PIWIL4: variants seen among roughly 807,000 people sequenced by gnomAD.
PIWIL4 encodes piwi like RNA-mediated gene silencing 4, also known as piwi-like protein 4.
In PIWIL4, 50 loss-of-function variants were observed where a neutral mutation model predicts 100.9. That is an observed-to-expected ratio of 0.50 (90% confidence interval 0.39 to 0.63). The LOEUF is 0.63. PIWIL4 is among the 20% of genes least tolerant of loss of function. The pLI is 0.00. For missense variants in PIWIL4, 887 were observed against 1,043.3 expected, an observed-to-expected ratio of 0.85 and a Z score of 2.06; for synonymous variants, 342 against 367.5, an observed-to-expected ratio of 0.93 and a Z score of 0.79.
At chr11:94,577,683 A>G (rs1450825707) in intron 4 of PIWIL4, among the ~76,000 whole-genome samples, 191 bp downstream of exon 4, 1 of 152,202 alleles carries the variant, frequency 6.6e-6, no homozygotes, top group Non-Finnish European at 1.5e-5. Context: ...ACACTTTTAT[A>G]AGCAATTATA....
At chr11:94,569,656 G>A (rs546774348) in intron 2 of PIWIL4, among the ~76,000 whole-genome samples, 96 of 152,322 alleles carry the variant, frequency 6.3e-4, no homozygotes, top group African/African-American at 2.2e-3. Context: ...GGGATTACAG[G>A]TATGAGCCAC....
At chr11:94,588,939 T>C (rs960542763) in intron 7 of PIWIL4, among the ~76,000 whole-genome samples, 182 bp from the exon 8 acceptor site, 1 of 152,200 alleles carries the variant, frequency 6.6e-6, no homozygotes, top group Non-Finnish European at 1.5e-5. Context: ...AGGAAATTAT[T>C]AAGGAATGCC....
At chr11:94,620,213 G>A (rs1447831661) in intron 19 of PIWIL4, 69 bp downstream of exon 19, 10 of 1,447,074 alleles carry the variant, frequency 6.9e-6, no homozygotes, top group Admixed American at 2.3e-5. Flanking sequence ...TATCATACAC[G>A]TCATCTTTGT....
At position 94,568,885 on chromosome 11, in the gene PIWIL4, C is replaced by T. The variant is rs1565267261; in HGVS notation, c.166+77C>T. 2.4e-6 allele frequency: 3 copies of T among 1,247,670 alleles called. No individual in the cohort carries two copies. The East Asian group carries it at 7.0e-5, about 29-fold the overall frequency. 77.3% of individuals were successfully genotyped at this position (1,247,670 alleles called of 1,614,324 possible). On this transcript the variant is annotated intron_variant, in intron 2 of 19. Coordinates refer to ENST00000299001, the MANE Select transcript of PIWIL4 (RefSeq NM_152431.3). The stretch of plus-strand genomic sequence containing the variant: ...AGAGGAGCCCTGCCAGGCCTTACAG[C>T]AGTAGGCCCACCTCTTGCACATCCT...
intron 19 of PIWIL4, 128 bp from the exon 20 acceptor site, chr11:94,620,748 G>C (rs1377325941): frequency 3.1e-6 from 2 of 636,520 alleles, no homozygotes; most frequent in East Asian, 5.6e-5. Flanking sequence ...GTTGGTTGAG[G>C]TTACCTGTTG....
In PIWIL4 at chr11:94,593,529, T is replaced by C. The variant is rs145301752; in HGVS notation, c.1038T>C (p.Ile346=). Residue 346 remains isoleucine, a synonymous_variant, in exon 9 of 20, where the codon ATT becomes ATC. Coordinates refer to ENST00000299001, the MANE Select transcript of PIWIL4 (RefSeq NM_152431.3). The part of the protein sequence containing the change: ...YVDYYKQQYD[I]TVSDLNQPML... ...CTTGCATTTTATAGCAGTATGATAT[T>C]ACTGTATCGGACCTGAATCAGCCCA... is the stretch of plus-strand genomic sequence containing the variant. 2.0e-5 allele frequency: 33 copies of C among 1,613,554 alleles called. No homozygotes were observed. Among genetic ancestry groups the C allele is most frequent in the Non-Finnish European group, 2.6e-5 (31 of 1,179,702 alleles).
rs140141244 is a variant in PIWIL4, at chr11:94,601,912, G to A, written c.1498G>A (p.Glu500Lys). The A allele has an allele frequency of 1.5e-4, 246 of 1,614,074 alleles. No individual in the cohort carries two copies. The East Asian group carries it at 3.0e-3, about 20-fold the overall frequency. The change falls in exon 12 of 20, where the codon GAG becomes AAG. Residue 500 changes from glutamate to lysine, a missense_variant. Transcript: ENST00000299001. ...LCSDRTEYVA[E>K]SFLNCLRRVA... ...TAGCGACAGAACTGAATATGTTGCC[G>A]AGAGCTTTCTGAACTGCTTGAGAAG...
intron 1 of PIWIL4, 49 bp downstream of exon 1, chr11:94,567,654 C>T (rs746090323): frequency 1.4e-5 from 21 of 1,514,262 alleles, no homozygotes; most frequent in Admixed American, 6.0e-5. Context: ...CTACCTCTGT[C>T]TCTAGCCTGA....
At chr11:94,568,839 C>A (rs778276864) in intron 2 of PIWIL4, 31 bp downstream of exon 2, 2 of 1,551,614 alleles carry the variant, frequency 1.3e-6, no homozygotes, top group Middle Eastern at 1.7e-4. Context: ...TCATTTAGTA[C>A]CATTCAACCT....
In PIWIL4 at chr11:94,597,816, T is replaced by C; in HGVS notation, c.1281T>C (p.Ala427=). The C allele has an allele frequency of 1.2e-6, 2 of 1,612,918 alleles. No homozygotes were observed. Among genetic ancestry groups the C allele is most frequent in the Non-Finnish European group, 1.7e-6 (2 of 1,179,030 alleles). Residue 427 remains alanine (A), a synonymous_variant, in exon 11 of 20, where the codon GCT becomes GCC. Coordinates refer to ENST00000299001, the MANE Select transcript of PIWIL4 (RefSeq NM_152431.3). ...LVDNIQRNTN[A]RFELETWGLH... is the part of the protein sequence containing the mutation. ...ACTTTATCAACAGGAATACCAATGC[T>C]CGCTTTGAACTAGAGACCTGGGGAC... is the stretch of plus-strand genomic sequence containing the variant.
intron 11 of PIWIL4, among the ~76,000 whole-genome samples, chr11:94,601,082 C>T (rs76317554): frequency 7.3e-5 from 11 of 150,062 alleles, no homozygotes; most frequent in East Asian, 1.9e-4. Context: ...CCTCGGCTTA[C>T]GAGATGAAAG....
chr11:94,592,072 G>A (rs1226961414), intron 8 of PIWIL4, among the ~76,000 whole-genome samples: 1 of 152,116 alleles, frequency 6.6e-6, no homozygotes, highest in Non-Finnish European at 1.5e-5. Context: ...CCACCTGCAT[G>A]GAGGCTTCCC....
rs1448119348 is a variant in PIWIL4 at position 94,589,109 on chromosome 11, T to C, written c.915-12T>C. On this transcript the variant is annotated splice_polypyrimidine_tract_variant and intron_variant, in intron 7 of 19. Transcript: ENST00000299001. ...ATTAAAAAACAATTTAAAGACTTTTTATATTTGGCAGATACAATAACAGAA... is the reference window on the plus strand; with the variant it reads ...ATTAAAAAACAATTTAAAGACTTTTCATATTTGGCAGATACAATAACAGAA... 2 of 1,576,020 alleles carry C rather than the reference T, an allele frequency of 1.3e-6. No homozygotes were observed. The highest frequency in any genetic ancestry group is 8.7e-7 in the Non-Finnish European group (1 of 1,147,902).
intron 19 of PIWIL4, 55 bp from the exon 20 acceptor site, chr11:94,620,821 C>A (rs1948897113): frequency 1.5e-5 from 21 of 1,356,608 alleles, no homozygotes; most frequent in Non-Finnish European, 2.2e-5. Context: ...CAGAAAAAAT[C>A]TCTTTGAAGA....
chr11:94,572,089 T>C (rs1218138908), intron 2 of PIWIL4, among the ~76,000 whole-genome samples: 1 of 152,260 alleles, frequency 6.6e-6, no homozygotes, highest in African/African-American at 2.4e-5. Context: ...ATGTCTTCTT[T>C]TGAGAAGTCT....
chr11:94,607,786 T>C (rs981923250), intron 14 of PIWIL4, 147 bp downstream of exon 14: 9 of 822,148 alleles, frequency 1.1e-5, no homozygotes, highest in Non-Finnish European at 1.5e-5. Context: ...CCATAAGCCA[T>C]TGTGAATCTC....
chr11:94,579,950 C>G (rs1466944702), intron 4 of PIWIL4, among the ~76,000 whole-genome samples: 2 of 152,142 alleles, frequency 1.3e-5, no homozygotes, highest in African/African-American at 4.8e-5. Context: ...AAATACTACC[C>G]TTGAAGTGTC....
intron 4 of PIWIL4, among the ~76,000 whole-genome samples, chr11:94,583,026 G>A (rs1397673731): frequency 1.2e-5 from 1 of 85,932 alleles, no homozygotes; most frequent in South Asian, 5.0e-4. Context: ...CACTGTTGTG[G>A]TGTGTGTATA....
chr11:94,572,038 G>C (rs1948162676), intron 2 of PIWIL4, among the ~76,000 whole-genome samples: 1 of 152,232 alleles, frequency 6.6e-6, no homozygotes, highest in Admixed American at 6.5e-5. Flanking sequence ...CTGATGGCCA[G>C]TGATGATGAG....
Sources: gnomAD v4.1 joint callset for allele counts (sites outside exome capture counted in the v4.1 genomes callset) on GRCh38, gnomAD v4.1.1 for gene constraint, MANE v1.5 for transcripts, NCBI Gene and HGNC (gene_info 2026-07-23, HGNC 2026-07-21) for gene names.